The following ACBD6 variants were observed in gnomAD, a reference collection of about 807,000 sequenced individuals.
ACBD6 encodes acyl-CoA binding domain containing 6.
In ACBD6, 28 loss-of-function variants were observed where a neutral mutation model predicts 37.2. The ratio of observed to expected loss-of-function variants is 0.75; its 90% CI spans 0.56 to 1.03. ACBD6 has a LOEUF of 1.03. Ranked by LOEUF, ACBD6 falls within the 50% of genes least tolerant of loss-of-function variation. ACBD6 has a pLI of 0.00. For synonymous variants in ACBD6, 113 were observed against 126.8 expected (o/e 0.89, Z 0.73); for missense variants, 340 against 337.4 (o/e 1.01, Z -0.06).
chr1:180,487,685 C>T (rs1431013623), intron 3 of ACBD6, among the ~76,000 whole-genome samples: 2 of 151,912 alleles, frequency 1.3e-5, no homozygotes, highest in African/African-American at 4.8e-5. Flanking sequence ...TAAAAGTTCT[C>T]AACTTAAGGA....
Position 180,333,196 on chromosome 1 carries a change from C to T in ACBD6, c.664-18474G>A, listed in dbSNP as rs56120807. Among the ~76,000 whole-genome samples the T allele has an allele frequency of 7.4e-3, 1,125 of 151,420 alleles. 17 individuals are homozygous for T. Among genetic ancestry groups the T allele is most frequent in the African/African-American group, 0.024 (985 of 41,230 alleles). ...TGTTTTACACTTAACATAAATTATA[C>T]GTAACATAATTTTAAAAATGAAAAT... On this transcript the variant is annotated intron_variant, in intron 6 of 7. Coordinates refer to ENST00000367595, the MANE Select transcript of ACBD6 (RefSeq NM_032360.4).
chr1:180,283,353 G>A (rs1189302072), downstream of ACBD6, among the ~76,000 whole-genome samples: 1 of 152,122 alleles, frequency 6.6e-6, no homozygotes, highest in East Asian at 1.9e-4. Context: ...GCATCTAGTA[G>A]CATTAGGTTC....
intron 6 of ACBD6, among the ~76,000 whole-genome samples, chr1:180,349,588 AT>A (rs10709100): frequency 0.94 from 143,095 of 151,866 alleles, 67,462 homozygotes; most frequent in East Asian, 0.98. Flanking sequence ...AATAAATAAA[AT>A]TTTTTTTAGT....
rs566903202 is a variant in ACBD6 at position 180,410,366 on chromosome 1, T to C, written c.573+3000A>G. On this transcript the variant is annotated intron_variant, in intron 5 of 7. Transcript: ENST00000367595. The stretch of plus-strand genomic sequence containing the variant: ...TGTAGAGAAAATAGACTACTCCTAC[T>C]ATTGAAAGAAGATGCCGTCCAGGAC... 2.0e-4 allele frequency among the ~76,000 whole-genome samples: 30 copies of C among 152,320 alleles called. 1 individual carries two copies. The highest frequency in any genetic ancestry group is 7.2e-4 in the African/African-American group (30 of 41,580).
chr1:180,454,178 G>C (rs1169689287), intron 3 of ACBD6, among the ~76,000 whole-genome samples: 2 of 152,032 alleles, frequency 1.3e-5, no homozygotes, highest in Non-Finnish European at 2.9e-5. Context: ...AAAACAGAGA[G>C]ACAGACCAAT....
intron 6 of ACBD6, among the ~76,000 whole-genome samples, chr1:180,321,530 T>C (rs1651068582): frequency 6.6e-6 from 1 of 152,178 alleles, no homozygotes; most frequent in South Asian, 2.1e-4. Flanking sequence ...CCTGGGTATT[T>C]ATCTGTGGCT....
intron 3 of ACBD6, among the ~76,000 whole-genome samples, chr1:180,442,870 G>T (rs1367794099): frequency 1.3e-5 from 2 of 151,752 alleles, no homozygotes; most frequent in Non-Finnish European, 2.9e-5. Context: ...CTACTTTCTT[G>T]AATATATAGT....
chr1:180,444,469 A>C (rs1649403486), intron 3 of ACBD6, among the ~76,000 whole-genome samples: 2 of 152,220 alleles, frequency 1.3e-5, no homozygotes, highest in South Asian at 4.1e-4. Context: ...GGGAAATAAA[A>C]AGATTATATC....
intron 6 of ACBD6, among the ~76,000 whole-genome samples, chr1:180,320,591 A>G (rs1406047462): frequency 1.3e-5 from 2 of 152,186 alleles, no homozygotes; most frequent in Non-Finnish European, 2.9e-5. Flanking sequence ...GTGAGCTGAG[A>G]TCATGCCACT....
chr1:180,462,242 T>TA (rs879940461), intron 3 of ACBD6, among the ~76,000 whole-genome samples: 19 of 146,112 alleles, frequency 1.3e-4, no homozygotes, highest in East Asian at 2.0e-4. Flanking sequence ...GTCTCAAAAA[T>TA]AAAAAAAAAA....
intron 9 of ACBD6, chr1:180,275,511 C>A (rs1648973204): frequency 6.6e-6 from 1 of 152,220 alleles, no homozygotes; most frequent in Admixed American, 6.5e-5. Context: ...TCGGCTGATG[C>A]CAGTCTTCCA....
intron 6 of ACBD6, among the ~76,000 whole-genome samples, chr1:180,320,256 G>T (rs1003421231): frequency 2.0e-5 from 3 of 152,308 alleles, no homozygotes; most frequent in Admixed American, 6.5e-5. Flanking sequence ...GATGATCAAT[G>T]ATATTGACCA....
At chr1:180,274,911 G>A in exon 10 of ACBD6, 1 of 233,678 alleles carries the variant, frequency 4.3e-6, no homozygotes, top group Admixed American at 5.0e-5. Context: ...GACTGTGATA[G>A]GCCCCCTTGG....
At chr1:180,397,409 T>G in intron 6 of ACBD6, 107 bp downstream of exon 6, 1 of 972,688 alleles carries the variant, frequency 1.0e-6, no homozygotes, top group East Asian at 2.4e-5. Flanking sequence ...TGAAATGTAC[T>G]AAACGCCACT....
At chr1:180,367,930 T>C (rs1219148987) in intron 6 of ACBD6, among the ~76,000 whole-genome samples, 1 of 152,216 alleles carries the variant, frequency 6.6e-6, no homozygotes, top group Non-Finnish European at 1.5e-5. Context: ...CTGGGTTGAA[T>C]GGTAGTTCTG....
chr1:180,410,770 T>C (rs1003442403), intron 5 of ACBD6, among the ~76,000 whole-genome samples: 7 of 152,376 alleles, frequency 4.6e-5, no homozygotes, highest in African/African-American at 1.7e-4. Flanking sequence ...GTTTTCTTGT[T>C]TGCTAACACA....
At chr1:180,275,873 G>C (rs1648997121) in intron 9 of ACBD6, 1 of 152,264 alleles carries the variant, frequency 6.6e-6, no homozygotes, top group Admixed American at 6.5e-5. Flanking sequence ...CGTTGTGCAG[G>C]TTTGCAGTAG....
intron 4 of ACBD6, among the ~76,000 whole-genome samples, chr1:180,422,973 T>G (rs1365759678): frequency 6.6e-6 from 1 of 152,220 alleles, no homozygotes; most frequent in Non-Finnish European, 1.5e-5. Context: ...TTGCTTTTTT[T>G]TTACATTTTT....
chr1:180,427,918 CAAA>C (rs11435254), intron 4 of ACBD6, among the ~76,000 whole-genome samples: 1 of 95,752 alleles, frequency 1.0e-5, no homozygotes, highest in Non-Finnish European at 2.6e-5. Context: ...GACTCTGTCT[CAAA>C]AAAAAAAAAA....
Sources: allele counts gnomAD v4.1 joint callset (sites outside exome capture counted in the v4.1 genomes callset), GRCh38; gene constraint gnomAD v4.1.1; transcripts MANE v1.5; gene names NCBI Gene and HGNC (gene_info 2026-07-23, HGNC 2026-07-21).